CXorf66: variants seen among roughly 807,000 people sequenced by gnomAD.
CXorf66 encodes the protein chromosome X open reading frame 66.
CXorf66 carries 6 observed loss-of-function variants against 5.0 expected under a neutral mutation model. The observed-to-expected ratio is 1.20, with a 90% confidence interval of 0.65 to 2.36. The LOEUF is 2.36. CXorf66 is among the 30% of genes most tolerant of loss of function. The pLI is 0.00. For synonymous variants in CXorf66, 98 were observed against 102.8 expected, an observed-to-expected ratio of 0.95 and a Z score of 0.28; for missense variants, 270 against 254.9, an observed-to-expected ratio of 1.06 and a Z score of -0.40.
At chrX:139,964,885 A>G (rs909531406) in intron 1 of CXorf66, among the ~76,000 whole-genome samples, 7 of 109,052 alleles carry the variant, frequency 6.4e-5, no homozygotes, top group Admixed American at 9.9e-5. Flanking sequence ...ACACAGGGAG[A>G]GGAACATCAC....
intron 1 of CXorf66, among the ~76,000 whole-genome samples, chrX:139,962,954 A>G (rs2148219144): frequency 8.9e-6 from 1 of 112,142 alleles, no homozygotes; most frequent in South Asian, 3.7e-4. Flanking sequence ...TGACAAACCC[A>G]TAGCCAATAT....
Position 139,956,588 on chromosome X carries a change from A to T in CXorf66, c.394T>A (p.Ser132Thr). ...GGTCTGATTAATTTTTCTGTGCTGG[A>T]TTGTGCGGATGCCCTTTCTGGACTC... Reference protein sequence around the residue: ...SSSPERASAQSSTEKLIRPSS... With the variant: ...SSSPERASAQTSTEKLIRPSS... The change falls in exon 3 of 3, where the codon TCC becomes ACC. Residue 132 changes from serine (S) to threonine (T), a missense_variant. Ser to Thr is a moderately conservative substitution (Grantham distance 58). Coordinates refer to ENST00000370540, the MANE Select transcript of CXorf66 (RefSeq NM_001013403.3). The T allele has an allele frequency of 8.3e-7, 1 of 1,210,844 alleles. No individual in the cohort carries two copies. The highest frequency in any genetic ancestry group is 1.1e-6 in the Non-Finnish European group (1 of 895,280).
intron 1 of CXorf66, among the ~76,000 whole-genome samples, chrX:139,959,305 C>G (rs890157012): frequency 1.8e-5 from 2 of 111,701 alleles, no homozygotes; most frequent in African/African-American, 6.5e-5. Context: ...CCAGGAAGTT[C>G]GGACTGGGTG....
intron 1 of CXorf66, among the ~76,000 whole-genome samples, chrX:139,964,510 C>A (rs1039346726): frequency 1.8e-5 from 2 of 111,612 alleles, no homozygotes; most frequent in African/African-American, 6.5e-5. Flanking sequence ...GTGGCAATCC[C>A]TCAAGGATCT....
At chrX:139,960,437 C>T (rs183768539) in intron 1 of CXorf66, among the ~76,000 whole-genome samples, 1 of 110,250 alleles carries the variant, frequency 9.1e-6, no homozygotes, top group Non-Finnish European at 1.9e-5. Context: ...TGTGAAAAGA[C>T]CAAACCTACG....
chrX:139,964,933 G>A (rs1926655856), intron 1 of CXorf66, among the ~76,000 whole-genome samples: 1 of 110,746 alleles, frequency 9.0e-6, no homozygotes, highest in Admixed American at 9.7e-5. Flanking sequence ...GGCAAGGGGA[G>A]GGAGAGGATT....
intron 1 of CXorf66, among the ~76,000 whole-genome samples, chrX:139,965,090 A>T (rs1005361864): frequency 9.0e-6 from 1 of 111,424 alleles, no homozygotes; most frequent in Non-Finnish European, 1.9e-5. Flanking sequence ...AAAACAAAAA[A>T]CAAAAATAAA....
intron 2 of CXorf66, among the ~76,000 whole-genome samples, chrX:139,957,338 G>T (rs932761275): frequency 9.2e-6 from 1 of 109,209 alleles, no homozygotes; most frequent in African/African-American, 3.4e-5. Flanking sequence ...TTTCAAATCT[G>T]CTGTAAAAAG....
At chrX:139,958,012 T>C (rs1025076133) in intron 2 of CXorf66, 52 bp downstream of exon 2, 1 of 1,087,681 alleles carries the variant, frequency 9.2e-7, no homozygotes, top group Non-Finnish European at 1.2e-6. Flanking sequence ...ACCTCCGCTA[T>C]ATGTACACAC....
Position 139,957,354 on chromosome X carries a change from AAC to A in CXorf66, c.243-617_243-616del, listed in dbSNP as rs772606751. On this transcript the variant is annotated intron_variant, in intron 2 of 2. Transcript: ENST00000370540. Reference sequence around the variant, plus strand: ...TTCAAATCTGCTGTAAAAAGAGAGAAACACACACACACACACACACAAAGAGA... The same window carrying A: ...TTCAAATCTGCTGTAAAAAGAGAGAAACACACACACACACACACAAAGAGA... 4.9e-3 allele frequency among the ~76,000 whole-genome samples: 529 copies of A among 107,908 alleles called. 3 individuals carry two copies. The highest frequency in any genetic ancestry group is 0.016 in the African/African-American group (474 of 29,727). 93.7% of individuals were successfully genotyped at this position (107,908 alleles called of 115,157 possible).
rs1057491798 is a variant in CXorf66, at chrX:139,964,411, C to T, written c.88+998G>A. ...TGGTGATCATTAAAAAGTCTGGAAA[C>T]AACAGATGCTGATGAGGGGAGGAGA... On this transcript the variant is annotated intron_variant, in intron 1 of 2. Transcript: ENST00000370540. 3.6e-5 allele frequency among the ~76,000 whole-genome samples: 4 copies of T among 111,491 alleles called. No homozygotes were observed. The Admixed American group carries it at 3.8e-4, about 11-fold the overall frequency.
chrX:139,958,564 G>A (rs1488204073), intron 1 of CXorf66, among the ~76,000 whole-genome samples: 3 of 111,823 alleles, frequency 2.7e-5, no homozygotes, highest in East Asian at 5.6e-4. Context: ...GAAAAAGGAT[G>A]TGATAAAAAC....
In CXorf66 at chrX:139,958,086, C is replaced by A; in HGVS notation, c.220G>T (p.Asp74Tyr). ...FCYLHYNCLSDDASKAGMVKK... is the reference protein window; with the variant it reads ...FCYLHYNCLSYDASKAGMVKK... The stretch of plus-strand genomic sequence containing the variant: ...TACATTCCTGCTTTGGACGCATCAT[C>A]GCTCAGACAATTATAATGGAGATAA... The change falls in exon 2 of 3, where the codon GAT becomes TAT. Residue 74 changes from aspartate (D) to tyrosine (Y), a missense_variant. Transcript: ENST00000370540. The A allele has an allele frequency of 9.2e-6, 11 of 1,201,679 alleles. No individual in the cohort carries two copies. Among genetic ancestry groups the A allele is most frequent in the Non-Finnish European group, 1.1e-5 (10 of 891,997 alleles).
rs1201207382 is a variant in CXorf66, at chrX:139,956,104, T to A, written c.878A>T (p.Asn293Ile). The A allele has an allele frequency of 5.0e-6, 6 of 1,209,721 alleles. No homozygotes were observed. Among genetic ancestry groups the A allele is most frequent in the Admixed American group, 4.4e-5 (2 of 45,697 alleles). Residue 293 changes from asparagine (N) to isoleucine (I), a missense_variant, in exon 3 of 3, where the codon AAC becomes ATC. Coordinates refer to ENST00000370540, the MANE Select transcript of CXorf66 (RefSeq NM_001013403.3). ...GCTTGAAACATGTAGGTTTTGAGTG[T>A]TTTTCTCCTTTGCCTCAGAAATATC... ...VNDISEAKEK[N>I]TQNLHVSSKV...
At chrX:139,963,641 C>CTGATCTTTGACAAACCTGACAAAA (rs1569496477) in intron 1 of CXorf66, among the ~76,000 whole-genome samples, 17 of 105,093 alleles carry the variant, frequency 1.6e-4, no homozygotes, top group East Asian at 3.5e-4. Flanking sequence ...CTGGAGGCAT[C>CTGATCTTTGACAAACCTGACAAAA]ACTCTACCTT....
At chrX:139,957,744 C>T (rs760987738) in intron 2 of CXorf66, among the ~76,000 whole-genome samples, 25 of 111,371 alleles carry the variant, frequency 2.2e-4, no homozygotes, top group African/African-American at 7.5e-4. Context: ...AACAGAGACC[C>T]AATTCCCTCT....
At chrX:139,962,780 A>G (rs1430773341) in intron 1 of CXorf66, among the ~76,000 whole-genome samples, 1 of 112,080 alleles carries the variant, frequency 8.9e-6, no homozygotes, top group African/African-American at 3.2e-5. Flanking sequence ...ACGTAAATCA[A>G]TAAATGTAAT....
chrX:139,956,506 G>C lies in CXorf66; in HGVS notation c.476C>G (p.Ser159Ter), dbSNP rs1430889636. Residue 159 changes from serine to a stop codon, truncating the protein, a stop_gained, in exon 3 of 3, where the codon TCA becomes TGA. Coordinates refer to ENST00000370540, the MANE Select transcript of CXorf66 (RefSeq NM_001013403.3). LOFTEE classifies it low-confidence loss of function (END_TRUNC). ...TGACTTGGATGACCTTTTTGGATAT[G>C]ATGGCCTAGTTAACTTTCCTGCACT... ...PNSAGKLTRP[S>*]YPKRSSKSSC... 8.3e-7 allele frequency: 1 copy of C among 1,211,689 alleles called. No individual in the cohort carries two copies.
At chrX:139,957,430 T>A (rs1381080158) in intron 2 of CXorf66, among the ~76,000 whole-genome samples, 2 of 111,391 alleles carry the variant, frequency 1.8e-5, no homozygotes, top group African/African-American at 6.5e-5. Context: ...AAACTTTTTA[T>A]AAAAAAGTCA....
Sources: allele counts gnomAD v4.1 joint callset (sites outside exome capture counted in the v4.1 genomes callset), GRCh38; gene constraint gnomAD v4.1.1; transcripts MANE v1.5; gene names NCBI Gene and HGNC (gene_info 2026-07-23, HGNC 2026-07-21).